MCUR1: variants seen among roughly 807,000 people sequenced by gnomAD.
The protein encoded by MCUR1 is mitochondrial calcium uniporter regulator 1, also known as MCU regulator 1.
In MCUR1, 37 loss-of-function variants were observed where a neutral mutation model predicts 42.0. The observed-to-expected ratio is 0.88, with a 90% confidence interval of 0.68 to 1.16. The LOEUF (loss-of-function observed/expected upper bound fraction) is 1.16. Among genes scored for constraint, MCUR1 ranks in the 50% most tolerant of loss-of-function variants. The pLI is 0.00. For missense variants in MCUR1, 469 were observed against 468.4 expected (o/e 1.00, Z -0.01); for synonymous variants, 229 against 196.2 (o/e 1.17, Z -1.40).
At chr6:13,803,931 G>A (rs1006938767) in intron 2 of MCUR1, 2 of 954,068 alleles carry the variant, frequency 2.1e-6, no homozygotes, top group Non-Finnish European at 2.5e-6. Flanking sequence ...CAGGAGTTCA[G>A]AACCAGCATG....
At chr6:13,797,438 G>C (rs1759880873) in intron 6 of MCUR1, among the ~76,000 whole-genome samples, 1 of 152,212 alleles carries the variant, frequency 6.6e-6, no homozygotes, top group Non-Finnish European at 1.5e-5. Flanking sequence ...GCCGGGCGCG[G>C]TGGCTCACTC....
intron 3 of MCUR1, among the ~76,000 whole-genome samples, chr6:13,801,796 T>G (rs1326689562): frequency 1.3e-5 from 2 of 152,068 alleles, no homozygotes; most frequent in African/African-American, 2.4e-5. Context: ...GAGGCTGCAG[T>G]GAGCTGAGAC....
At chr6:13,792,844 G>C (rs1250780488) in intron 7 of MCUR1, among the ~76,000 whole-genome samples, 6 of 152,138 alleles carry the variant, frequency 3.9e-5, no homozygotes, top group Non-Finnish European at 8.8e-5. Context: ...AAAGCCTCTT[G>C]GGGGTTTCAG....
At position 13,797,732 on chromosome 6, in the gene MCUR1, C is replaced by A. The variant is rs187804481; in HGVS notation, c.855+1101G>T. Among the ~76,000 whole-genome samples, 851 of 146,110 alleles carry A rather than the reference C, an allele frequency of 5.8e-3. 7 individuals are homozygous for A. Among genetic ancestry groups the A allele is most frequent in the African/African-American group, 0.02 (798 of 39,584 alleles). ...CAAACAAAAACAAAGAAAAAAAAAACACACTTGCCGGCCAGGCGCAGTGGC... is the reference window on the plus strand; with the variant it reads ...CAAACAAAAACAAAGAAAAAAAAAAAACACTTGCCGGCCAGGCGCAGTGGC... On this transcript the variant is annotated intron_variant, in intron 6 of 8. Coordinates refer to ENST00000379170, the MANE Select transcript of MCUR1 (RefSeq NM_001031713.4).
intron 1 of MCUR1, among the ~76,000 whole-genome samples, chr6:13,813,202 C>G (rs1324277869): frequency 1.3e-5 from 2 of 152,162 alleles, no homozygotes; most frequent in African/African-American, 4.8e-5. Flanking sequence ...AATATTCACA[C>G]AAGGAAGAAG....
chr6:13,798,493 T>C (rs1400029882), intron 6 of MCUR1, among the ~76,000 whole-genome samples: 1 of 152,082 alleles, frequency 6.6e-6, no homozygotes, highest in East Asian at 1.9e-4. Flanking sequence ...TCAACTTAAC[T>C]TTTACAAGAT....
Position 13,786,692 on chromosome 6 carries a change from T to C in MCUR1, c.*4117A>G, listed in dbSNP as rs1467739470. ...AATACAGTTATTCTAGCTTTTCATATTCAATTTGAATGATCAGAAAAGTAT... is the reference window on the plus strand; with the variant it reads ...AATACAGTTATTCTAGCTTTTCATACTCAATTTGAATGATCAGAAAAGTAT... On this transcript the variant is annotated 3_prime_UTR_variant, in exon 9 of 9. Coordinates refer to ENST00000379170, the MANE Select transcript of MCUR1 (RefSeq NM_001031713.4). The C allele has an allele frequency of 1.3e-5, 2 of 152,222 alleles. No individual in the cohort carries two copies. The highest frequency in any genetic ancestry group is 2.1e-4 in the South Asian group (1 of 4,834). The allele number at this position is 152,222 out of a possible 1,614,324, so 9.4% of individuals were successfully genotyped here. A position where few individuals can be genotyped will look rare whatever the true frequency, so the allele number is the denominator to read the frequency against.
At chr6:13,798,555 ATTTC>A (rs1406890290) in intron 6 of MCUR1, among the ~76,000 whole-genome samples, 1 of 152,174 alleles carries the variant, frequency 6.6e-6, no homozygotes, top group African/African-American at 2.4e-5. Context: ...ATTGCATTTA[ATTTC>A]TTTATGAATC....
intron 3 of MCUR1, among the ~76,000 whole-genome samples, chr6:13,801,842 T>C (rs1392364494): frequency 6.6e-6 from 1 of 151,976 alleles, no homozygotes. Flanking sequence ...AAATGAGTGA[T>C]ACCCTGTCTC....
chr6:13,797,694 C>G (rs150253947), intron 6 of MCUR1, among the ~76,000 whole-genome samples: 2 of 144,832 alleles, frequency 1.4e-5, no homozygotes, highest in South Asian at 2.2e-4. Flanking sequence ...GGTGACAGAG[C>G]GAGACTCCGC....
rs1759740027 is a variant in MCUR1, at chr6:13,792,010, G to A, written c.910-18C>T. ...TGGGCATGCTTTTAAAATGAAGAGA[G>A]TCACAGCGTTAGACCACAGCACGTC... On this transcript the variant is annotated intron_variant, in intron 7 of 8. Transcript: ENST00000379170. 6.3e-7 allele frequency: 1 copy of A among 1,592,304 alleles called. No homozygotes were observed. The highest frequency in any genetic ancestry group is 8.6e-7 in the Non-Finnish European group (1 of 1,161,052).
At chr6:13,805,735 A>G (rs1459702970) in intron 2 of MCUR1, among the ~76,000 whole-genome samples, 1 of 152,250 alleles carries the variant, frequency 6.6e-6, no homozygotes, top group Non-Finnish European at 1.5e-5. Context: ...GTAAAAGCAC[A>G]GGCAAATTTA....
In MCUR1 at chr6:13,787,409, G is replaced by C. The variant is rs1050488824; in HGVS notation, c.*3400C>G. On this transcript the variant is annotated 3_prime_UTR_variant, in exon 9 of 9. Transcript: ENST00000379170. ...TTTAGTTTTGCTAGATATTAAACTA[G>C]AAAACTGGATGACAGTAAAACCAAT... 9.9e-5 allele frequency: 15 copies of C among 152,140 alleles called. 1 individual carries two copies. Among genetic ancestry groups the C allele is most frequent in the Admixed American group, 9.2e-4 (14 of 15,274 alleles). 9.4% of individuals were successfully genotyped at this position (152,140 alleles called of 1,614,324 possible).
At position 13,814,015 on chromosome 6, in the gene MCUR1, C is replaced by A. The variant is rs1359019471; in HGVS notation, c.415G>T (p.Glu139Ter). The A allele has an allele frequency of 1.6e-6, 2 of 1,233,762 alleles. No homozygotes were observed. Among genetic ancestry groups the A allele is most frequent in the Non-Finnish European group, 2.0e-6 (2 of 988,706 alleles). The allele number at this position is 1,233,762 out of a possible 1,614,324, so 76.4% of individuals were successfully genotyped here. A position where few individuals can be genotyped will look rare whatever the true frequency, so the allele number is the denominator to read the frequency against. Residue 139 changes from glutamate (E) to a stop codon, truncating the protein, a stop_gained and splice_region_variant, in exon 1 of 9, where the codon GAG (glutamate) becomes TAG (stop). Coordinates refer to ENST00000379170, the MANE Select transcript of MCUR1 (RefSeq NM_001031713.4). LOFTEE classifies it high-confidence loss of function. ...CTCTCCTCTCCCGCCCGGGCCTCAC[C>A]TCTCCTGCAGGAAACGAGTGCAGGC... is the stretch of plus-strand genomic sequence containing the variant. ...PAPALVSCRR[E>*]LSLSAGSLQL...
At position 13,802,271 on chromosome 6, in the gene MCUR1, T is replaced by C. The variant is rs746815385; in HGVS notation, c.611A>G (p.Tyr204Cys). ...CTGCATCTTGGTGACCATATCTTTG[T>C]AGACGATGTCCATGTTGGCCTCCAG... Reference protein sequence around the residue: ...KILEANMDIVYKDMVTKMQQE... With the variant: ...KILEANMDIVCKDMVTKMQQE... The change falls in exon 3 of 9, where the codon TAC (tyrosine) becomes TGC (cysteine). Residue 204 changes from tyrosine (Y) to cysteine (C), a missense_variant. Tyr to Cys is a radical substitution (Grantham distance 194). Transcript: ENST00000379170. 1.2e-6 allele frequency: 2 copies of C among 1,613,866 alleles called. No individual in the cohort carries two copies. The highest frequency in any genetic ancestry group is 1.7e-6 in the Non-Finnish European group (2 of 1,179,892).
intron 2 of MCUR1, 82 bp downstream of exon 2, chr6:13,806,843 G>A: frequency 7.2e-7 from 1 of 1,395,194 alleles, no homozygotes; most frequent in Non-Finnish European, 9.7e-7. Context: ...AGAGGAACAT[G>A]AGAAATTAAA....
intron 1 of MCUR1, among the ~76,000 whole-genome samples, chr6:13,811,459 G>A (rs1463868310): frequency 1.3e-5 from 2 of 151,876 alleles, no homozygotes; most frequent in Non-Finnish European, 1.5e-5. Context: ...TCACATAAAC[G>A]AGCTCACTTA....
At chr6:13,799,796 A>G (rs2113464212) in intron 5 of MCUR1, among the ~76,000 whole-genome samples, 1 of 151,800 alleles carries the variant, frequency 6.6e-6, no homozygotes, top group Middle Eastern at 3.4e-3. Flanking sequence ...TTTACTTAAA[A>G]ATGACTTAAT....
intron 2 of MCUR1, among the ~76,000 whole-genome samples, chr6:13,804,632 G>A (rs1458859502): frequency 6.6e-6 from 1 of 151,702 alleles, no homozygotes; most frequent in Non-Finnish European, 1.5e-5. Context: ...AAATTAGCCA[G>A]GCGTTGTGGC....
Sources: gnomAD v4.1 joint callset for allele counts (sites outside exome capture counted in the v4.1 genomes callset) on GRCh38, gnomAD v4.1.1 for gene constraint, MANE v1.5 for transcripts, NCBI Gene and HGNC (gene_info 2026-07-23, HGNC 2026-07-21) for gene names.